Variants in CNTN3 observed in about 807,000 individuals in gnomAD.
The protein encoded by CNTN3 is contactin-3.
Under a neutral mutation model 119.1 loss-of-function variants are expected in CNTN3, and 60 were observed. The ratio of observed to expected loss-of-function variants is 0.50; its 90% confidence interval spans 0.41 to 0.62. The LOEUF is 0.62. Ranked by LOEUF, CNTN3 falls within the 20% of genes least tolerant of loss-of-function variation. The probability of loss-of-function intolerance (pLI) is 0.00; values close to 1 mark genes in which losing one functional copy is unlikely to be tolerated. For missense variants in CNTN3, 1,101 were observed against 1,242.4 expected, an observed-to-expected ratio of 0.89 and a Z score of 1.71; for synonymous variants, 450 against 438.7, an observed-to-expected ratio of 1.03 and a Z score of -0.32.
rs145131576 is a variant in CNTN3 at position 74,301,744 on chromosome 3, G to T, written c.1848C>A (p.Leu616=). The T allele has an allele frequency of 1.1e-4, 174 of 1,613,974 alleles. No homozygotes were observed. The highest frequency in any genetic ancestry group is 4.9e-4 in the Middle Eastern group (3 of 6,084). The change falls in exon 15 of 23, where the codon CTC becomes CTA. Residue 616 remains leucine (L), a synonymous_variant. Coordinates refer to ENST00000263665, the MANE Select transcript of CNTN3 (RefSeq NM_020872.3). ...GGTTGTCTTTACCTTCTTTCCAAGA[G>T]AGTTGGGCTGTTGTGTCTGTAATTT... ...VDEITDTTAQ[L]SWKEGKDNHS...
rs145929793 is a variant in CNTN3, at chr3:74,448,715, A to C, written c.359-23775T>G. 6.5e-4 allele frequency among the ~76,000 whole-genome samples: 99 copies of C among 152,298 alleles called. No individual in the cohort carries two copies. The East Asian group carries it at 0.018, about 28-fold the overall frequency. ...ATATTTGCTATTATTATAAAGTATC[A>C]GCTCAAACAAAAAGGTCTTTTATGG... On this transcript the variant is annotated intron_variant, in intron 4 of 22. Coordinates refer to ENST00000263665, the MANE Select transcript of CNTN3 (RefSeq NM_020872.3).
chr3:74,549,005 T>C (rs1030032209), intron 1 of CNTN3, among the ~76,000 whole-genome samples: 3 of 152,190 alleles, frequency 2.0e-5, no homozygotes, highest in Admixed American at 2.0e-4. Flanking sequence ...GAATATCACA[T>C]TGGTCCATTA....
At chr3:74,348,104 T>C (rs1703734335) in intron 11 of CNTN3, among the ~76,000 whole-genome samples, 1 of 152,342 alleles carries the variant, frequency 6.6e-6, no homozygotes, top group African/African-American at 2.4e-5. Flanking sequence ...TCTGGAGCTC[T>C]AGTATACAGC....
At chr3:74,326,329 A>T (rs1327936657) in intron 13 of CNTN3, among the ~76,000 whole-genome samples, 4 of 152,172 alleles carry the variant, frequency 2.6e-5, no homozygotes, top group African/African-American at 9.6e-5. Context: ...AAATGTTAAT[A>T]CATATTTTAA....
At chr3:74,612,657 T>C (rs1421433748) in intron 1 of CNTN3, among the ~76,000 whole-genome samples, 2 of 152,218 alleles carry the variant, frequency 1.3e-5, no homozygotes, top group Non-Finnish European at 2.9e-5. Flanking sequence ...AGCCTTACTA[T>C]TCATCTTATA....
chr3:74,302,013 A>G (rs1344198151), intron 14 of CNTN3, among the ~76,000 whole-genome samples: 1 of 152,192 alleles, frequency 6.6e-6, no homozygotes, highest in Admixed American at 6.6e-5. Flanking sequence ...TAGATCTTAA[A>G]TTTGGATGTG....
chr3:74,421,986 A>G (rs1481945815), intron 5 of CNTN3, among the ~76,000 whole-genome samples: 2 of 152,216 alleles, frequency 1.3e-5, no homozygotes. Flanking sequence ...ATATCTTCAC[A>G]AAGTTTCCAG....
chr3:74,304,612 G>A (rs1702523789), intron 13 of CNTN3, among the ~76,000 whole-genome samples: 1 of 152,146 alleles, frequency 6.6e-6, no homozygotes, highest in African/African-American at 2.4e-5. Context: ...CACAATGGCT[G>A]GCTTTGTTTC....
intron 1 of CNTN3, among the ~76,000 whole-genome samples, chr3:74,524,898 C>T (rs1703594079): frequency 6.6e-6 from 1 of 151,758 alleles, no homozygotes; most frequent in Non-Finnish European, 1.5e-5. Flanking sequence ...TGTTTTTGCT[C>T]TCGGGTTGCA....
chr3:74,516,742 C>T lies in CNTN3; in HGVS notation c.55+4316G>A, dbSNP rs771463031. Among the ~76,000 whole-genome samples, 41 of 147,416 alleles carry T rather than the reference C, an allele frequency of 2.8e-4. 3 individuals are homozygous for T. The highest frequency in any genetic ancestry group is 2.4e-3 in the Admixed American group (36 of 14,976). ...AAAGAAAAATCTTGAGTTCCTTCAA[C>T]GGAAATTCCAGGCGCTGAGCTAGCC... is the stretch of plus-strand genomic sequence containing the variant. On this transcript the variant is annotated intron_variant, in intron 2 of 22. Coordinates refer to ENST00000263665, the MANE Select transcript of CNTN3 (RefSeq NM_020872.3).
intron 5 of CNTN3, among the ~76,000 whole-genome samples, chr3:74,404,089 A>T (rs1705262392): frequency 6.6e-6 from 1 of 151,954 alleles, no homozygotes; most frequent in Non-Finnish European, 1.5e-5. Flanking sequence ...ACCATTTCTG[A>T]TTTATCTTTT....
chr3:74,294,387 T>C (rs1288744663), intron 19 of CNTN3, among the ~76,000 whole-genome samples: 1 of 152,178 alleles, frequency 6.6e-6, no homozygotes, highest in Non-Finnish European at 1.5e-5. Context: ...CCATGCCTAT[T>C]TGAAGTCACC....
intron 1 of CNTN3, among the ~76,000 whole-genome samples, chr3:74,573,324 C>A (rs1347330973): frequency 6.6e-6 from 1 of 151,924 alleles, no homozygotes; most frequent in Admixed American, 6.6e-5. Flanking sequence ...CCCCCACTCC[C>A]ATCCCATGCC....
intron 11 of CNTN3, among the ~76,000 whole-genome samples, chr3:74,338,511 C>T (rs373067347): frequency 1.4e-5 from 2 of 138,444 alleles, no homozygotes. Context: ...TGTGTGTATA[C>T]ACATATGTGT....
intron 1 of CNTN3, among the ~76,000 whole-genome samples, chr3:74,576,013 T>C (rs1193162774): frequency 6.6e-6 from 1 of 152,074 alleles, no homozygotes; most frequent in Admixed American, 6.6e-5. Context: ...CCTAAGTCTC[T>C]TCAGAAGAGT....
intron 11 of CNTN3, among the ~76,000 whole-genome samples, chr3:74,340,837 T>C (rs547868321): frequency 1.3e-4 from 20 of 152,116 alleles, no homozygotes; most frequent in Admixed American, 3.3e-4. Flanking sequence ...CTTAAATTGA[T>C]ATTTTCTGAT....
intron 13 of CNTN3, among the ~76,000 whole-genome samples, chr3:74,325,131 A>C (rs1014286454): frequency 1.3e-5 from 2 of 151,764 alleles, no homozygotes; most frequent in African/African-American, 4.9e-5. Context: ...AAAAAAAAAA[A>C]TCTTATGTAG....
chr3:74,400,366 A>AG (rs1705160539), intron 5 of CNTN3, among the ~76,000 whole-genome samples: 1 of 152,212 alleles, frequency 6.6e-6, no homozygotes, highest in South Asian at 2.1e-4. Context: ...GAGGAACGGC[A>AG]CCGTCCCAGT....
rs566196372 is a variant in CNTN3, at chr3:74,483,238, C to T, written c.358+3218G>A. 2.6e-5 allele frequency among the ~76,000 whole-genome samples: 4 copies of T among 152,088 alleles called. No individual in the cohort carries two copies. The South Asian group carries it at 6.2e-4, about 24-fold the overall frequency. On this transcript the variant is annotated intron_variant, in intron 4 of 22. Transcript: ENST00000263665. ...AGACTGGGGGGAAACCTAAGGTATT[C>T]AATGTTACATCTTAGGTTTGCTTTA...
Sources: allele counts gnomAD v4.1 joint callset (sites outside exome capture counted in the v4.1 genomes callset), GRCh38; gene constraint gnomAD v4.1.1; transcripts MANE v1.5; gene names NCBI Gene and HGNC (gene_info 2026-07-23, HGNC 2026-07-21).